The following AGBL1 variants were observed in gnomAD, a reference collection of about 807,000 sequenced individuals.
AGBL1 encodes cytosolic carboxypeptidase 4.
AGBL1 carries 130 observed loss-of-function variants against 118.9 expected under a neutral mutation model. The ratio of observed to expected loss-of-function variants is 1.09; its 90% CI spans 0.95 to 1.26. AGBL1 has a LOEUF of 1.26. AGBL1 is among the 50% of genes most tolerant of loss of function. AGBL1 has a pLI of 0.00. For missense variants in AGBL1, 1,584 were observed against 1,298.1 expected (o/e 1.22, Z -3.38); for synonymous variants, 555 against 478.9 (o/e 1.16, Z -2.08).
intron 22 of AGBL1, among the ~76,000 whole-genome samples, chr15:86,895,076 C>CCTTT (rs375088972): frequency 2.0e-5 from 3 of 151,164 alleles, no homozygotes; most frequent in South Asian, 2.1e-4. Flanking sequence ...TCCCTCCTTC[C>CCTTT]CTTTCTTTTA....
At chr15:87,011,586 A>T (rs2081560775) in intron 24 of AGBL1, among the ~76,000 whole-genome samples, 1 of 152,176 alleles carries the variant, frequency 6.6e-6, no homozygotes, top group African/African-American at 2.4e-5. Flanking sequence ...TTGCATTTTC[A>T]GTATGTTTGT....
intron 22 of AGBL1, among the ~76,000 whole-genome samples, chr15:86,832,108 C>T (rs577524880): frequency 3.3e-5 from 5 of 152,270 alleles, no homozygotes; most frequent in African/African-American, 1.2e-4. Flanking sequence ...GCACTAAGTC[C>T]GAGACTGCAC....
In AGBL1 at chr15:86,924,142, T is replaced by TGCAC. The variant is rs1800439872; in HGVS notation, c.3222-63844_3222-63841dup. Among the ~76,000 whole-genome samples, 7 of 152,380 alleles carry TGCAC rather than the reference T, an allele frequency of 4.6e-5. No homozygotes were observed. In the South Asian group the frequency reaches 1.4e-3, roughly 32 times the overall value. On this transcript the variant is annotated intron_variant, in intron 23 of 24. Transcript: ENST00000441037. ...ATATTCACAGATGCACATGTATGCA[T>TGCAC]GCACACATACATGTGCACACACACA...
intron 5 of AGBL1, among the ~76,000 whole-genome samples, chr15:86,218,726 G>A (rs940736681): frequency 6.6e-6 from 1 of 152,224 alleles, no homozygotes; most frequent in East Asian, 1.9e-4. Flanking sequence ...GAAACTGCAG[G>A]TAGCCTCTAG....
In AGBL1 at chr15:86,548,037, A is replaced by T. The variant is rs149291968; in HGVS notation, c.2817+1904A>T. ...GTAAATAATTATCTTAACACTGGTG[A>T]TCTGCCTAAAAAGACTTTTGTGTAT... On this transcript the variant is annotated intron_variant, in intron 20 of 22. Coordinates refer to ENST00000614907, the MANE Select transcript of AGBL1 (RefSeq NM_001386094.1). Among the ~76,000 whole-genome samples the T allele has an allele frequency of 1.2e-4, 19 of 152,312 alleles. No homozygotes were observed. In the East Asian group the frequency reaches 2.7e-3, roughly 22 times the overall value.
intron 6 of AGBL1, among the ~76,000 whole-genome samples, chr15:86,236,819 T>C (rs540726581): frequency 6.7e-6 from 1 of 150,250 alleles, no homozygotes; most frequent in South Asian, 2.2e-4. Context: ...GGGATTGGTT[T>C]GACCAGGCGT....
chr15:86,425,929 C>T (rs920030238), intron 18 of AGBL1, among the ~76,000 whole-genome samples: 3 of 148,562 alleles, frequency 2.0e-5, no homozygotes, highest in South Asian at 2.2e-4. Context: ...TGGACAAAGA[C>T]GTGTTTGTGT....
At chr15:86,935,348 C>T (rs1331838917) in intron 23 of AGBL1, among the ~76,000 whole-genome samples, 2 of 152,114 alleles carry the variant, frequency 1.3e-5, no homozygotes, top group African/African-American at 4.8e-5. Flanking sequence ...TAATTGTACA[C>T]GTGAATACAT....
intron 18 of AGBL1, among the ~76,000 whole-genome samples, chr15:86,410,060 G>A (rs990914078): frequency 1.3e-5 from 2 of 152,042 alleles, no homozygotes; most frequent in Admixed American, 1.3e-4. Context: ...GTATAATATA[G>A]ATAAGTTATT....
chr15:86,405,374 G>A (rs1307598310), intron 18 of AGBL1, among the ~76,000 whole-genome samples: 1 of 151,962 alleles, frequency 6.6e-6, no homozygotes, highest in Admixed American at 6.6e-5. Flanking sequence ...AAATTAGCCA[G>A]CTGTGGTGGT....
intron 6 of AGBL1, among the ~76,000 whole-genome samples, chr15:86,243,555 T>C (rs868669754): frequency 6.6e-6 from 1 of 152,112 alleles, no homozygotes. Context: ...AAAAAATACC[T>C]TCAGCATGAG....
chr15:86,792,386 A>G lies in AGBL1; in HGVS notation c.3159-114701A>G, dbSNP rs188576420. 6.1e-3 allele frequency among the ~76,000 whole-genome samples: 928 copies of G among 152,314 alleles called. 1 individual carries two copies. The highest frequency in any genetic ancestry group is 8.8e-3 in the Admixed American group (135 of 15,294). Reference sequence around the variant, plus strand: ...TGATATAACCTGTTCATTGTCTAGTATTTGGAAAGTGTCATTCCAAATACT... The same window carrying G: ...TGATATAACCTGTTCATTGTCTAGTGTTTGGAAAGTGTCATTCCAAATACT... On this transcript the variant is annotated intron_variant, in intron 22 of 22. Coordinates refer to ENST00000614907, the MANE Select transcript of AGBL1 (RefSeq NM_001386094.1).
intron 17 of AGBL1, among the ~76,000 whole-genome samples, chr15:86,330,502 A>T (rs2080253232): frequency 6.6e-6 from 1 of 152,250 alleles, no homozygotes; most frequent in African/African-American, 2.4e-5. Context: ...GAAAATAATT[A>T]CACAAATTAG....
At chr15:86,189,880 A>G (rs1482059582) in intron 5 of AGBL1, among the ~76,000 whole-genome samples, 1 of 152,220 alleles carries the variant, frequency 6.6e-6, no homozygotes, top group African/African-American at 2.4e-5. Flanking sequence ...TCACCTTGAC[A>G]TTACCATGCT....
In AGBL1 at chr15:86,127,886, G is replaced by C. The variant is rs1022967237; in HGVS notation, c.52-14118G>C. 3.3e-5 allele frequency among the ~76,000 whole-genome samples: 5 copies of C among 152,300 alleles called. No individual in the cohort carries two copies. The East Asian group carries it at 9.7e-4, about 29-fold the overall frequency. Reference sequence around the variant, plus strand: ...GTACATGAGAAAAGGAAAGCCACAAGAGAGGAGTAACTGGGTTATTGAATA... The same window carrying C: ...GTACATGAGAAAAGGAAAGCCACAACAGAGGAGTAACTGGGTTATTGAATA... On this transcript the variant is annotated intron_variant, in intron 1 of 22. Coordinates refer to ENST00000614907, the MANE Select transcript of AGBL1 (RefSeq NM_001386094.1).
chr15:86,643,915 G>A (rs980857249), intron 21 of AGBL1, among the ~76,000 whole-genome samples: 1 of 152,094 alleles, frequency 6.6e-6, no homozygotes, highest in Admixed American at 6.6e-5. Flanking sequence ...ACCTTGTAAA[G>A]TTGTTTTTCC....
chr15:86,322,460 A>T (rs1389885922), intron 17 of AGBL1, among the ~76,000 whole-genome samples: 3 of 152,148 alleles, frequency 2.0e-5, no homozygotes, highest in Non-Finnish European at 2.9e-5. Flanking sequence ...TTTATGCTTT[A>T]AATTTTGAGG....
chr15:86,999,918 T>C (rs1223042642), intron 24 of AGBL1, among the ~76,000 whole-genome samples: 40 of 117,726 alleles, frequency 3.4e-4, no homozygotes, highest in African/African-American at 1.1e-3. Flanking sequence ...TGATTGCCAT[T>C]CTAACTGGTG....
chr15:86,256,755 CTG>C, intron 7 of AGBL1, 96 bp from the exon 8 acceptor site: 1 of 1,234,074 alleles, frequency 8.1e-7, no homozygotes, highest in East Asian at 2.4e-5. Context: ...AGCTAGGAGA[CTG>C]TGCTGTGTTA....
Sources: gnomAD v4.1 joint callset for allele counts (sites outside exome capture counted in the v4.1 genomes callset) on GRCh38, gnomAD v4.1.1 for gene constraint, MANE v1.5 for transcripts, NCBI Gene and HGNC (gene_info 2026-07-23, HGNC 2026-07-21) for gene names.